PCDHA7: variants seen among roughly 807,000 people sequenced by gnomAD.
PCDHA7 encodes protocadherin alpha-7.
PCDHA7 carries 37 observed loss-of-function variants against 57.2 expected under a neutral mutation model. That is an observed-to-expected ratio of 0.65 (90% CI 0.50 to 0.85). The LOEUF is 0.85. Among genes scored for constraint, PCDHA7 ranks in the 40% least tolerant of loss-of-function variants. The pLI, the probability that PCDHA7 is intolerant of heterozygous loss-of-function variation, is 0.00. For missense variants in PCDHA7, 1,188 were observed against 1,241.8 expected (o/e 0.96, Z 0.65); for synonymous variants, 553 against 558.8 (o/e 0.99, Z 0.15).
chr5:140,967,017 C>T, intron 1 of PCDHA7: 1 of 1,606,892 alleles, frequency 6.2e-7, no homozygotes, highest in Non-Finnish European at 8.5e-7. Context: ...CATCTGGGTG[C>T]GCCCAGTCCG....
At position 140,864,979 on chromosome 5, in the gene PCDHA7, CTTGAGACCAGGAGT is replaced by C. The variant is rs2153225793; in HGVS notation, c.2355+28252_2355+28265del. 3.3e-5 allele frequency: 5 copies of C among 152,266 alleles called. No homozygotes were observed. In the South Asian group the frequency reaches 1.0e-3, roughly 32 times the overall value. The allele number at this position is 152,266 out of a possible 1,614,324, so 9.4% of individuals were successfully genotyped here. A position where few individuals can be genotyped will look rare whatever the true frequency, so the allele number is the denominator to read the frequency against. On this transcript the variant is annotated intron_variant, in intron 1 of 3. Coordinates refer to ENST00000525929, the MANE Select transcript of PCDHA7 (RefSeq NM_018910.3). ...TTGGGAAGCCGAGGGAGGAGGATCG[CTTGAGACCAGGAGT>C]TTGAGACCAGCCTCGGCAACATAGT...
intron 1 of PCDHA7, chr5:140,865,199 T>C (rs776546973): frequency 1.2e-4 from 18 of 152,246 alleles, no homozygotes; most frequent in Admixed American, 9.2e-4. Context: ...ACCATATTAA[T>C]GTGAATTGCT....
At chr5:140,870,761 T>C (rs1456957620) in intron 1 of PCDHA7, 1 of 1,613,524 alleles carries the variant, frequency 6.2e-7, no homozygotes, top group Non-Finnish European at 8.5e-7. Flanking sequence ...CTGCAGGTGT[T>C]CGTGCTGGAC....
intron 1 of PCDHA7, chr5:140,849,716 G>A (rs2150446385): frequency 1.3e-6 from 2 of 1,598,596 alleles, no homozygotes; most frequent in Non-Finnish European, 1.7e-6. Flanking sequence ...ACTACTCGTT[G>A]GTGCTGGACA....
At chr5:140,980,152 C>T (rs1554241475) in intron 2 of PCDHA7, among the ~76,000 whole-genome samples, 1 of 152,040 alleles carries the variant, frequency 6.6e-6, no homozygotes, top group Admixed American at 6.6e-5. Flanking sequence ...CATGCATATA[C>T]CAGAATATTA....
Position 140,834,503 on chromosome 5 carries a change from A to C in PCDHA7, c.120A>C (p.Lys40Asn). ...ACTACTCGGTCCCCGAGGAGGCTAAACATGGCAACTTCGTGGGCCGCATCG... is the reference window on the plus strand; with the variant it reads ...ACTACTCGGTCCCCGAGGAGGCTAACCATGGCAACTTCGTGGGCCGCATCG... Reference protein sequence around the residue: ...QLHYSVPEEAKHGNFVGRIAQ... With the variant: ...QLHYSVPEEANHGNFVGRIAQ... The change falls in exon 1 of 4, where the codon AAA becomes AAC. Residue 40 changes from lysine to asparagine, a missense_variant. Around this residue, in one of 3 missense-constraint regions of PCDHA7, gnomAD observed 194 missense variants for 185.8 expected, o/e 1.04. Transcript: ENST00000525929. 1.2e-6 allele frequency: 2 copies of C among 1,614,128 alleles called. No homozygotes were observed. Among genetic ancestry groups the C allele is most frequent in the Non-Finnish European group, 1.7e-6 (2 of 1,180,040 alleles).
chr5:140,862,867 C>A (rs1562571529), intron 1 of PCDHA7: 4 of 70,810 alleles, frequency 5.6e-5, no homozygotes, highest in Non-Finnish European at 9.2e-5. Context: ...TGTGACGCTG[C>A]CAGGTATTAG....
rs2150241595 is a variant in PCDHA7 at position 140,835,675 on chromosome 5, G to C, written c.1292G>C (p.Gly431Ala). ...CTGGTGGTTACCGCGCGGGACGGGG[G>C]CTCGCCTTCTCTGTGGGCCACTGCT... Reference protein sequence around the residue: ...YELVVTARDGGSPSLWATASV... With the variant: ...YELVVTARDGASPSLWATASV... The change falls in exon 1 of 4, where the codon GGC becomes GCC. Residue 431 changes from glycine to alanine, a missense_variant. Transcript: ENST00000525929. 1 of 1,613,918 alleles carries C rather than the reference G, an allele frequency of 6.2e-7. No individual in the cohort carries two copies. Among genetic ancestry groups the C allele is most frequent in the South Asian group, 1.1e-5 (1 of 91,078 alleles).
intron 1 of PCDHA7, chr5:140,871,073 C>T (rs782763189): frequency 1.1e-5 from 18 of 1,613,090 alleles, no homozygotes; most frequent in Non-Finnish European, 1.4e-5. Context: ...GGTGAGCCGG[C>T]GCTGACGGCC....
At position 140,894,452 on chromosome 5, in the gene PCDHA7, A is replaced by G. The variant is rs555452172; in HGVS notation, c.2355+57714A>G. On this transcript the variant is annotated intron_variant, in intron 1 of 3. Coordinates refer to ENST00000525929, the MANE Select transcript of PCDHA7 (RefSeq NM_018910.3). ...ATCCTACCTAGCTCTTTTTTAAAAA[A>G]TATTTTACTTTTTATTCTTGTTTTC... 3.9e-5 allele frequency among the ~76,000 whole-genome samples: 6 copies of G among 152,050 alleles called. No homozygotes were observed. In the East Asian group the frequency reaches 9.6e-4, roughly 24 times the overall value.
At chr5:140,842,303 C>T (rs1554138957) in intron 1 of PCDHA7, 2 of 1,608,454 alleles carry the variant, frequency 1.2e-6, no homozygotes, top group Non-Finnish European at 1.7e-6. Context: ...CAAAGGCCAT[C>T]CTCCCATGGC....
chr5:140,848,252 G>C (rs188149099), intron 1 of PCDHA7: 1 of 468,304 alleles, frequency 2.1e-6, no homozygotes, highest in African/African-American at 2.0e-5. Flanking sequence ...CAGAATAACT[G>C]TGAAATTTTT....
At chr5:140,839,814 T>A (rs2150301148) in intron 1 of PCDHA7, among the ~76,000 whole-genome samples, 9,024 of 152,086 alleles carry the variant, frequency 0.059, 964 homozygotes, top group African/African-American at 0.21. Flanking sequence ...AATTGCCTAC[T>A]ATGAAGGCAT....
At position 140,836,089 on chromosome 5, in the gene PCDHA7, G is replaced by A; in HGVS notation, c.1706G>A (p.Arg569Gln). 1 of 1,613,682 alleles carries A rather than the reference G, an allele frequency of 6.2e-7. No homozygotes were observed. Among genetic ancestry groups the A allele is most frequent in the Non-Finnish European group, 8.5e-7 (1 of 1,179,780 alleles). The change falls in exon 1 of 4, where the codon CGG becomes CAG. Residue 569 changes from arginine (R) to glutamine (Q), a missense_variant. Physicochemically the swap from Arg to Gln is conservative, Grantham distance 43. This residue lies in a region of PCDHA7 where 892 missense variants were observed against 788.5 expected (regional missense o/e 1.13). Coordinates refer to ENST00000525929, the MANE Select transcript of PCDHA7 (RefSeq NM_018910.3). ...AACGCGCCGGCACTGCTGGCGCCTC[G>A]GGTGGGTGGCACTGGTGGCGCAGTG... ...NDNAPALLAP[R>Q]VGGTGGAVRE...
intron 1 of PCDHA7, among the ~76,000 whole-genome samples, chr5:140,846,568 G>A (rs1403872525): frequency 6.7e-6 from 1 of 148,182 alleles, no homozygotes; most frequent in Non-Finnish European, 1.5e-5. Context: ...TAGAGTCGGG[G>A]TTTCACCATG....
In PCDHA7 at chr5:140,857,433, T is replaced by C. The variant is rs2044590478; in HGVS notation, c.2355+20695T>C. On this transcript the variant is annotated intron_variant, in intron 1 of 3. Transcript: ENST00000525929. ...TTCGCGCAGTCCGAGTACACGGTGTTCGTGAAGGAGAACAACCCGCCAGGC... is the reference window on the plus strand; with the variant it reads ...TTCGCGCAGTCCGAGTACACGGTGTCCGTGAAGGAGAACAACCCGCCAGGC... 2.5e-6 allele frequency: 4 copies of C among 1,598,232 alleles called. 1 individual carries two copies. Among genetic ancestry groups the C allele is most frequent in the Non-Finnish European group, 3.4e-6 (4 of 1,167,768 alleles).
At chr5:140,867,727 A>G (rs1554161460) in intron 1 of PCDHA7, 1 of 152,094 alleles carries the variant, frequency 6.6e-6, no homozygotes. Context: ...GAAAAGACAA[A>G]GAAAATTCAA....
At chr5:140,942,863 T>A (rs1223265899) in intron 1 of PCDHA7, among the ~76,000 whole-genome samples, 2 of 152,126 alleles carry the variant, frequency 1.3e-5, no homozygotes, top group Non-Finnish European at 2.9e-5. Context: ...TTATTTTGCT[T>A]TAGCATGACA....
Position 140,876,739 on chromosome 5 carries a change from C to T in PCDHA7, c.2355+40001C>T, listed in dbSNP as rs782400807. The T allele has an allele frequency of 7.4e-6, 12 of 1,614,126 alleles. No homozygotes were observed. The South Asian group carries it at 1.1e-4, about 15-fold the overall frequency. ...CCGCGAGAGCGTGTCGGCCTATGAG[C>T]TGGTGGTGACTGCGCGGGATGGGGG... On this transcript the variant is annotated intron_variant, in intron 1 of 3. Coordinates refer to ENST00000525929, the MANE Select transcript of PCDHA7 (RefSeq NM_018910.3).
Sources: gnomAD v4.1 joint callset for allele counts (sites outside exome capture counted in the v4.1 genomes callset) on GRCh38, gnomAD v4.1.1 for gene constraint, gnomAD v4.1.1 regional missense constraint, MANE v1.5 for transcripts, NCBI Gene and HGNC (gene_info 2026-07-23, HGNC 2026-07-21) for gene names.